The following MYH7 variants were observed in gnomAD, a reference collection of about 807,000 sequenced individuals.
The protein encoded by MYH7 is myosin heavy chain 7, also known as myosin-7.
In MYH7, 129 loss-of-function variants were observed where a neutral mutation model predicts 225.4. The ratio of observed to expected loss-of-function variants is 0.57; its 90% CI spans 0.50 to 0.66. The LOEUF (loss-of-function observed/expected upper bound fraction) is 0.66, where lower values mean the gene tolerates loss of function less well. Ranked by LOEUF, MYH7 falls within the 30% of genes least tolerant of loss-of-function variation. MYH7 has a pLI of 0.00. For missense variants in MYH7, 1,649 were observed against 2,517.0 expected (o/e 0.66, Z 7.38); for synonymous variants, 971 against 1,007.6 (o/e 0.96, Z 0.69).
At position 23,433,673 on chromosome 14, in the gene MYH7, C is replaced by T. The variant is rs1158025082; in HGVS notation, c.60G>A (p.Glu20=). ...TGGTCTGCGCTTCTAGCCGCTCCTT[C>T]TCTGACTTGCGCAGGTAGGGGGCGG... ...GAAAPYLRKS[E]KERLEAQTRP... is the part of the protein sequence containing the mutation. Residue 20 remains glutamate, a synonymous_variant, in exon 3 of 40, where the codon GAG becomes GAA. Transcript: ENST00000355349. The surrounding 1 kb of genome is among the most constrained non-coding windows in gnomAD (Gnocchi z 4.1). 1.2e-6 allele frequency: 2 copies of T among 1,614,288 alleles called. No individual in the cohort carries two copies. Among genetic ancestry groups the T allele is most frequent in the Non-Finnish European group, 1.7e-6 (2 of 1,180,048 alleles).
Position 23,429,868 on chromosome 14 carries a change from T to C in MYH7, c.1045A>G (p.Met349Val), listed in dbSNP as rs730880730. ...LGFTSEEKNSMYKLTGAIMHF... is the reference protein window; with the variant it reads ...LGFTSEEKNSVYKLTGAIMHF... ...ATGATGGCGCCTGTCAGCTTATACA[T>C]GGAGTTTTTCTCCTCTGAAGTGAAG... is the stretch of plus-strand genomic sequence containing the variant. The change falls in exon 12 of 40, where the codon ATG becomes GTG. Residue 349 changes from methionine to valine, a missense_variant. By Grantham distance (21) the Met-to-Val change is conservative (BLOSUM62 1). Transcript: ENST00000355349. 5.5e-5 allele frequency: 89 copies of C among 1,613,990 alleles called. No homozygotes were observed. The highest frequency in any genetic ancestry group is 7.5e-5 in the Non-Finnish European group (88 of 1,180,026).
chr14:23,432,744 C>T lies in MYH7; in HGVS notation c.397G>A (p.Val133Met), dbSNP rs199637885. Residue 133 changes from valine (V) to methionine (M), a missense_variant, in exon 5 of 40, where the codon GTG becomes ATG. Physicochemically the swap from Val to Met is conservative, Grantham distance 21. Coordinates refer to ENST00000355349, the MANE Select transcript of MYH7 (RefSeq NM_000257.4). The part of the protein sequence containing the change: ...VTVNPYKWLP[V>M]YTPEVVAAYR... The stretch of plus-strand genomic sequence containing the variant: ...GCAGCCACCACCTCAGGAGTGTACA[C>T]CGGCAGCCACTTGTAAGGGTTGACG... 3 of 1,614,176 alleles carry T rather than the reference C, an allele frequency of 1.9e-6. No homozygotes were observed. Among genetic ancestry groups the T allele is most frequent in the Non-Finnish European group, 2.5e-6 (3 of 1,180,028 alleles).
chr14:23,428,564 C>T lies in MYH7; in HGVS notation c.1514G>A (p.Gly505Asp). 6.2e-7 allele frequency: 1 copy of T among 1,614,204 alleles called. No individual in the cohort carries two copies. Among genetic ancestry groups the T allele is most frequent in the Non-Finnish European group, 8.5e-7 (1 of 1,180,044 alleles). ...VLEQEEYKKE[G>D]IEWTFIDFGM... ...AAAGTCAATGAATGTCCACTCGATGCCCTCCTTCTTGTACTCCTCCTGCTC... is the reference window on the plus strand; with the variant it reads ...AAAGTCAATGAATGTCCACTCGATGTCCTCCTTCTTGTACTCCTCCTGCTC... Residue 505 changes from glycine to aspartate, a missense_variant, in exon 15 of 40, where the codon GGC (glycine) becomes GAC (aspartate). This residue lies in a region of MYH7 where 76 missense variants were observed against 233.8 expected (regional missense o/e 0.33). Coordinates refer to ENST00000355349, the MANE Select transcript of MYH7 (RefSeq NM_000257.4).
chr14:23,421,771 T>G (rs1892482338), intron 25 of MYH7: 1 of 985,352 alleles, frequency 1.0e-6, no homozygotes, highest in South Asian at 4.7e-5. Context: ...CCCTGACTTC[T>G]TTAATGTGAG....
Position 23,433,243 on chromosome 14 carries a change from C to A in MYH7, c.202-16G>T. ...CGGTCACTGTCTGCAAGAGCCCCCA[C>A]CCAAGCCCTCCTGTCAGCCTGGGCT... On this transcript the variant is annotated splice_polypyrimidine_tract_variant and intron_variant, in intron 3 of 39. Transcript: ENST00000355349. The surrounding 1 kb of genome is among the most constrained non-coding windows in gnomAD (Gnocchi z 4.1). The A allele has an allele frequency of 6.2e-7, 1 of 1,614,160 alleles. No homozygotes were observed. Among genetic ancestry groups the A allele is most frequent in the Non-Finnish European group, 8.5e-7 (1 of 1,180,024 alleles).
chr14:23,433,359 G>T lies in MYH7; in HGVS notation c.202-132C>A. On this transcript the variant is annotated intron_variant, in intron 3 of 39. Transcript: ENST00000355349. The surrounding 1 kb of genome is among the most constrained non-coding windows in gnomAD (Gnocchi z 4.1). The stretch of plus-strand genomic sequence containing the variant: ...GAACCAGGATCTCACAGGGAAGACA[G>T]AAGGGATATTGGGAAGGAGAGGGCT... 1 of 1,476,570 alleles carries T rather than the reference G, an allele frequency of 6.8e-7. No homozygotes were observed. 91.5% of individuals were successfully genotyped at this position (1,476,570 alleles called of 1,614,324 possible).
At position 23,434,243 on chromosome 14, in the gene MYH7, A is replaced by G; in HGVS notation, c.-58T>C. On this transcript the variant is annotated 5_prime_UTR_variant, in exon 2 of 40. Transcript: ENST00000355349. ...GATGAGGAAAGGGGCCAAGGCCTGCAGGGGACCTGGAGAGAGGGAAGAGGC... is the reference window on the plus strand; with the variant it reads ...GATGAGGAAAGGGGCCAAGGCCTGCGGGGGACCTGGAGAGAGGGAAGAGGC... 1 of 1,013,856 alleles carries G rather than the reference A, an allele frequency of 9.9e-7. No individual in the cohort carries two copies. The highest frequency in any genetic ancestry group is 4.0e-5 in the South Asian group (1 of 24,764). The allele number at this position is 1,013,856 out of a possible 1,614,324, so 62.8% of individuals were successfully genotyped here.
At chr14:23,432,361 G>C in intron 6 of MYH7, 118 bp downstream of exon 6, 1 of 1,264,944 alleles carries the variant, frequency 7.9e-7, no homozygotes, top group South Asian at 1.2e-5. Context: ...GAAGGAGATG[G>C]GCACGAGGTT....
intron 10 of MYH7, 67 bp downstream of exon 10, chr14:23,430,834 C>T: frequency 7.3e-7 from 1 of 1,378,912 alleles, no homozygotes; most frequent in Non-Finnish European, 1.0e-6. Context: ...CAGCTGAGTC[C>T]AGCCACAAGC....
chr14:23,425,500 C>A lies in MYH7; in HGVS notation c.2287-82G>T. The A allele has an allele frequency of 6.2e-7, 1 of 1,606,908 alleles. No homozygotes were observed. ...GTGGGGATTACCTTAGGAAGGGTAA[C>A]AGCCTAGAAAAGGATTGCAGGGAGG... On this transcript the variant is annotated intron_variant, in intron 20 of 39. Transcript: ENST00000355349. This position sits in a 1 kb window ranked among gnomAD's most constrained non-coding sequence, Gnocchi z 4.6.
chr14:23,416,700 T>C (rs894205221), intron 33 of MYH7, among the ~76,000 whole-genome samples, 168 bp downstream of exon 33: 10 of 152,168 alleles, frequency 6.6e-5, no homozygotes, highest in Non-Finnish European at 1.0e-4. Flanking sequence ...CAGTGACTGG[T>C]CATTCATTCA....
At chr14:23,422,875 C>T (rs930936657) in intron 24 of MYH7, among the ~76,000 whole-genome samples, 5 of 152,274 alleles carry the variant, frequency 3.3e-5, no homozygotes, top group Middle Eastern at 3.4e-3. Flanking sequence ...GTGATCCACC[C>T]GCCTTGGCCT....
Position 23,417,478 on chromosome 14 carries a change from GCTGCGGCCCC to G in MYH7, c.4353+15_4353+24del. 3 of 1,612,220 alleles carry G rather than the reference GCTGCGGCCCC, an allele frequency of 1.9e-6. No individual in the cohort carries two copies. The highest frequency in any genetic ancestry group is 2.5e-6 in the Non-Finnish European group (3 of 1,180,026). ...TCATGCCCCCTTGCCCTGCATGCTG[GCTGCGGCCCC>G]CACCCAGGGCCCACCTTGTCGAAGT... On this transcript the variant is annotated intron_variant, in intron 31 of 39. Coordinates refer to ENST00000355349, the MANE Select transcript of MYH7 (RefSeq NM_000257.4).
At chr14:23,423,023 C>T (rs1273914439) in intron 24 of MYH7, among the ~76,000 whole-genome samples, 1 of 152,208 alleles carries the variant, frequency 6.6e-6, no homozygotes, top group East Asian at 1.9e-4. Context: ...ATCTAAGTTC[C>T]TATCTAAAGG....
Position 23,415,696 on chromosome 14 carries a change from C to T in MYH7, c.5090G>A (p.Arg1697Gln), listed in dbSNP as rs766831916. Residue 1697 changes from arginine to glutamine, a missense_variant, in exon 35 of 40, where the codon CGG (arginine) becomes CAG (glutamine). Physicochemically the swap from Arg to Gln is conservative, Grantham distance 43. Transcript: ENST00000355349. The surrounding 1 kb of genome is among the most constrained non-coding windows in gnomAD (Gnocchi z 6.3). ...ELRAVVEQTERSRKLAEQELI... is the reference protein window; with the variant it reads ...ELRAVVEQTEQSRKLAEQELI... ...CTCCTGCTCCGCCAGCTTCCGGGAC[C>T]GCTCTGTCTGCTCCACCACGGCACG... 9.3e-6 allele frequency: 15 copies of T among 1,614,128 alleles called. No homozygotes were observed. Among genetic ancestry groups the T allele is most frequent in the East Asian group, 4.5e-5 (2 of 44,874 alleles).
intron 31 of MYH7, 76 bp downstream of exon 31, chr14:23,417,427 A>T: frequency 6.2e-7 from 1 of 1,611,774 alleles, no homozygotes; most frequent in Non-Finnish European, 8.5e-7. Flanking sequence ...TCCAAGGAGG[A>T]TGGCTCTGGC....
chr14:23,434,231 G>C lies in MYH7; in HGVS notation c.-46C>G. 1 of 1,017,930 alleles carries C rather than the reference G, an allele frequency of 9.8e-7. No individual in the cohort carries two copies. The highest frequency in any genetic ancestry group is 1.2e-6 in the Non-Finnish European group (1 of 848,514). 63.1% of individuals were successfully genotyped at this position (1,017,930 alleles called of 1,614,324 possible). On this transcript the variant is annotated 5_prime_UTR_variant, in exon 2 of 40. Transcript: ENST00000355349. The stretch of plus-strand genomic sequence containing the variant: ...AGTGTGTCTACAGATGAGGAAAGGG[G>C]CCAAGGCCTGCAGGGGACCTGGAGA...
intron 26 of MYH7, 78 bp downstream of exon 26, chr14:23,420,880 G>T: frequency 9.2e-7 from 1 of 1,083,216 alleles, no homozygotes; most frequent in Non-Finnish European, 1.4e-6. Flanking sequence ...GCTGTGAACA[G>T]GACACCCTAG....
rs1566525434 is a variant in MYH7 at position 23,417,482 on chromosome 14, CG to C, written c.4353+20del. 12 of 1,612,234 alleles carry C rather than the reference CG, an allele frequency of 7.4e-6. No individual in the cohort carries two copies. In the East Asian group the frequency reaches 2.5e-4, roughly 33 times the overall value. Reference sequence around the variant, plus strand: ...GCCCCCTTGCCCTGCATGCTGGCTGCGGCCCCCACCCAGGGCCCACCTTGTC... The same window carrying C: ...GCCCCCTTGCCCTGCATGCTGGCTGCGCCCCCACCCAGGGCCCACCTTGTC... On this transcript the variant is annotated intron_variant, in intron 31 of 39. Transcript: ENST00000355349.
Sources: allele counts gnomAD v4.1 joint callset (sites outside exome capture counted in the v4.1 genomes callset), GRCh38; gene constraint gnomAD v4.1.1; regional missense constraint gnomAD v4.1.1; non-coding constraint Gnocchi (gnomAD v3.1); transcripts MANE v1.5; gene names NCBI Gene and HGNC (gene_info 2026-07-23, HGNC 2026-07-21).